The following TAF4 variants were observed in gnomAD, a reference collection of about 807,000 sequenced individuals.
TAF4 encodes the protein transcription initiation factor TFIID subunit 4.
In TAF4, 9 loss-of-function variants were observed where a neutral mutation model predicts 90.3. The observed-to-expected ratio is 0.10, with a 90% confidence interval of 0.06 to 0.17. The LOEUF is 0.17. Among genes scored for constraint, TAF4 ranks in the 10% least tolerant of loss-of-function variants. The pLI, the probability that TAF4 is intolerant of heterozygous loss-of-function variation, is 1.00. For synonymous variants in TAF4, 818 were observed against 638.9 expected, an observed-to-expected ratio of 1.28 and a Z score of -4.23; for missense variants, 1,351 against 1,370.7, an observed-to-expected ratio of 0.99 and a Z score of 0.23.
intron 9 of TAF4, among the ~76,000 whole-genome samples, chr20:62,001,944 T>C (rs754398665): frequency 2.0e-5 from 3 of 152,178 alleles, no homozygotes; most frequent in Non-Finnish European, 4.4e-5. Context: ...GGCGTTACTG[T>C]TCCCAGGACC....
intron 5 of TAF4, chr20:62,007,908 A>C: frequency 3.0e-6 from 1 of 330,894 alleles, no homozygotes; most frequent in Non-Finnish European, 5.6e-6. Flanking sequence ...CTCTTACTCA[A>C]TGCCAGTCTT....
chr20:61,991,865 G>A (rs1265079084), intron 14 of TAF4, among the ~76,000 whole-genome samples: 4 of 152,060 alleles, frequency 2.6e-5, no homozygotes, highest in East Asian at 1.9e-4. Context: ...GCCGGCTTCC[G>A]AGAAAAAGGA....
At chr20:61,995,175 C>T (rs2055655674) in intron 14 of TAF4, among the ~76,000 whole-genome samples, 1 of 152,082 alleles carries the variant, frequency 6.6e-6, no homozygotes, top group Non-Finnish European at 1.5e-5. Context: ...ATGAGACATG[C>T]AAGGAGACAA....
intron 1 of TAF4, among the ~76,000 whole-genome samples, chr20:62,046,645 C>T (rs1470389993): frequency 1.3e-5 from 2 of 152,308 alleles, no homozygotes; most frequent in East Asian, 3.9e-4. Context: ...GTGGGGCTGC[C>T]GCACACGGTC....
In TAF4 at chr20:62,013,909, GTGTGTGT is replaced by G. The variant is rs1568932071; in HGVS notation, c.1521+631_1521+637del. On this transcript the variant is annotated intron_variant, in intron 2 of 14. Coordinates refer to ENST00000252996, the MANE Select transcript of TAF4 (RefSeq NM_003185.4). The stretch of plus-strand genomic sequence containing the variant: ...TTCGGCCCTGAAGGCTGACGCGGGT[GTGTGTGT>G]GTGTGTGTGTGTGTGTGTGTGTGTG... Among the ~76,000 whole-genome samples the G allele has an allele frequency of 1.4e-3, 110 of 79,074 alleles. 4 individuals carry two copies. The East Asian group carries it at 0.021, about 15-fold the overall frequency. The allele number at this position is 79,074 out of a possible 152,430, so 51.9% of individuals were successfully genotyped here.
At chr20:62,026,993 G>C (rs544115766) in intron 1 of TAF4, among the ~76,000 whole-genome samples, 2 of 152,166 alleles carry the variant, frequency 1.3e-5, no homozygotes, top group African/African-American at 4.8e-5. Flanking sequence ...ATTCCTCTGC[G>C]ACTCAACAGG....
At chr20:61,983,272 G>A (rs1418467647) in intron 14 of TAF4, among the ~76,000 whole-genome samples, 1 of 140,574 alleles carries the variant, frequency 7.1e-6, no homozygotes, top group Non-Finnish European at 1.5e-5. Context: ...GGAAGACACA[G>A]ATACAAACCT....
At chr20:62,052,387 A>G (rs1214395462) in intron 1 of TAF4, among the ~76,000 whole-genome samples, 1 of 152,014 alleles carries the variant, frequency 6.6e-6, no homozygotes, top group African/African-American at 2.4e-5. Context: ...CCCCCTCACC[A>G]CAGTCAGTGA....
chr20:62,002,036 G>A (rs557043922), intron 9 of TAF4, among the ~76,000 whole-genome samples: 9 of 152,310 alleles, frequency 5.9e-5, no homozygotes, highest in African/African-American at 1.2e-4. Context: ...AGGGGTTTGC[G>A]TCAGCATTCC....
intron 12 of TAF4, 95 bp from the exon 13 acceptor site, chr20:61,998,287 T>C (rs758616229): frequency 1.8e-5 from 23 of 1,283,302 alleles, no homozygotes; most frequent in Non-Finnish European, 2.3e-5. Flanking sequence ...CAATAACATC[T>C]AGGTAATGTT....
intron 14 of TAF4, among the ~76,000 whole-genome samples, chr20:61,984,591 C>T (rs1280248076): frequency 5.9e-5 from 9 of 152,078 alleles, no homozygotes; most frequent in African/African-American, 1.9e-4. Flanking sequence ...GGGCAGTGCC[C>T]GGGACATCAG....
At chr20:61,984,578 C>T (rs1235034226) in intron 14 of TAF4, among the ~76,000 whole-genome samples, 2 of 152,026 alleles carry the variant, frequency 1.3e-5, no homozygotes, top group East Asian at 1.9e-4. Context: ...TGCAGTGACA[C>T]GAGGGCAGTG....
At chr20:62,054,898 CCT>C in intron 1 of TAF4, among the ~76,000 whole-genome samples, 1 of 152,102 alleles carries the variant, frequency 6.6e-6, no homozygotes, top group Non-Finnish European at 1.5e-5. Context: ...ACCGACATTC[CCT>C]CTCACCCCGC....
intron 14 of TAF4, among the ~76,000 whole-genome samples, chr20:61,985,280 T>G (rs186697489): frequency 1.3e-5 from 2 of 151,602 alleles, no homozygotes; most frequent in Non-Finnish European, 2.9e-5. Context: ...ACGGCCACAC[T>G]GAAGGGTGGG....
At chr20:61,983,825 G>T (rs147175771) in intron 14 of TAF4, among the ~76,000 whole-genome samples, 21 of 152,264 alleles carry the variant, frequency 1.4e-4, no homozygotes, top group African/African-American at 4.8e-4. Flanking sequence ...GCTACAGAGA[G>T]ACACGGAAAA....
chr20:61,979,768 C>T (rs1390815790), intron 14 of TAF4, among the ~76,000 whole-genome samples: 1 of 137,136 alleles, frequency 7.3e-6, no homozygotes, highest in African/African-American at 2.8e-5. Context: ...GTGCAGGCGC[C>T]GTGGCCACTC....
At chr20:61,999,574 C>G (rs920405673) in intron 11 of TAF4, among the ~76,000 whole-genome samples, 1 of 152,208 alleles carries the variant, frequency 6.6e-6, no homozygotes, top group Non-Finnish European at 1.5e-5. Flanking sequence ...GGAAGAGCTG[C>G]TTCATGAGAA....
chr20:61,997,698 A>T, intron 13 of TAF4, 29 bp from the exon 14 acceptor site: 1 of 1,599,756 alleles, frequency 6.3e-7, no homozygotes, highest in Non-Finnish European at 8.5e-7. Flanking sequence ...GACAAGGAGC[A>T]TCATTTCTTG....
intron 1 of TAF4, among the ~76,000 whole-genome samples, chr20:62,021,386 C>A (rs1164910846): frequency 6.6e-6 from 1 of 152,256 alleles, no homozygotes; most frequent in Non-Finnish European, 1.5e-5. Context: ...TCCGGAGGGC[C>A]AGGGCGCTGG....
Sources: allele counts gnomAD v4.1 joint callset (sites outside exome capture counted in the v4.1 genomes callset), GRCh38; gene constraint gnomAD v4.1.1; transcripts MANE v1.5; gene names NCBI Gene and HGNC (gene_info 2026-07-23, HGNC 2026-07-21).